Variants in FMO1 observed in about 807,000 individuals in gnomAD.
The protein encoded by FMO1 is flavin containing dimethylaniline monoxygenase 1, also known as flavin-containing monooxygenase 1.
A neutral mutation model predicts 45.4 loss-of-function variants in FMO1; 36 were observed. The ratio of observed to expected loss-of-function variants is 0.79; its 90% CI spans 0.61 to 1.05. The LOEUF (loss-of-function observed/expected upper bound fraction) is 1.05, where lower values mean the gene tolerates loss of function less well. FMO1 is among the 50% of genes least tolerant of loss of function. FMO1 has a pLI of 0.00. For missense variants in FMO1, 615 were observed against 640.3 expected, an observed-to-expected ratio of 0.96 and a Z score of 0.43; for synonymous variants, 228 against 227.2, an observed-to-expected ratio of 1.00 and a Z score of -0.03.
At chr1:171,255,108 T>C (rs1660093701) in intron 1 of FMO1, among the ~76,000 whole-genome samples, 1 of 152,216 alleles carries the variant, frequency 6.6e-6, no homozygotes, top group Non-Finnish European at 1.5e-5. Context: ...GTTGATAGAA[T>C]GTTATAGGGC....
At chr1:171,279,459 G>A (rs1269549396) in intron 5 of FMO1, among the ~76,000 whole-genome samples, 2 of 152,136 alleles carry the variant, frequency 1.3e-5, no homozygotes, top group South Asian at 4.2e-4. Context: ...GCTTAGAGAA[G>A]TTAAAGAACC....
At position 171,267,746 on chromosome 1, in the gene FMO1, A is replaced by G; in HGVS notation, c.321+15A>G. The stretch of plus-strand genomic sequence containing the variant: ...TTCAATTCAAGGTAAGACACAAAAC[A>G]TCAGTTAGTAGTCAGAAAGTATTTC... On this transcript the variant is annotated intron_variant, in intron 3 of 8. Transcript: ENST00000617670. 3.2e-6 allele frequency: 5 copies of G among 1,585,336 alleles called. No individual in the cohort carries two copies. The South Asian group carries it at 3.4e-5, about 11-fold the overall frequency.
chr1:171,268,976 G>C (rs962360584), intron 3 of FMO1, among the ~76,000 whole-genome samples: 1 of 152,142 alleles, frequency 6.6e-6, no homozygotes, highest in South Asian at 2.1e-4. Flanking sequence ...TTTATAAGGC[G>C]GAGCTTCCCT....
intron 2 of FMO1, among the ~76,000 whole-genome samples, chr1:171,266,489 A>G (rs1327260417): frequency 6.6e-6 from 1 of 152,252 alleles, no homozygotes; most frequent in Non-Finnish European, 1.5e-5. Context: ...GGCCACAGAC[A>G]AGCAGGTTGT....
At chr1:171,251,129 A>ATG (rs1174910815) in intron 1 of FMO1, among the ~76,000 whole-genome samples, 1 of 152,168 alleles carries the variant, frequency 6.6e-6, no homozygotes, top group Admixed American at 6.5e-5. Flanking sequence ...CTAACCTTTG[A>ATG]TGTACGGCAG....
Position 171,270,595 on chromosome 1 carries a change from GAAC to G in FMO1, c.321+2870_321+2872del, listed in dbSNP as rs372290909. The G allele has an allele frequency of 5.5e-4, 547 of 987,364 alleles. 1 individual carries two copies. In the African/African-American group the frequency reaches 8.9e-3, roughly 16 times the overall value. 61.2% of individuals were successfully genotyped at this position (987,364 alleles called of 1,614,324 possible). ...ATTACAGAGTGGTATTCAGTTAACAGAACAACAATTATTTCCTATAAGCTGCAT... is the reference window on the plus strand; with the variant it reads ...ATTACAGAGTGGTATTCAGTTAACAGAACAATTATTTCCTATAAGCTGCAT... On this transcript the variant is annotated intron_variant, in intron 3 of 8. Transcript: ENST00000617670.
rs1312912657 is a variant in FMO1 at position 171,258,199 on chromosome 1, G to T, written c.112G>T (p.Gly38Trp). ...PTCFERSDDLGGLWRFTEHVE... is the reference protein window; with the variant it reads ...PTCFERSDDLWGLWRFTEHVE... ...CTGCTTTGAGAGGAGCGATGACCTT[G>T]GGGGGCTGTGGAGATTCACCGTAAG... Residue 38 changes from glycine (G) to tryptophan (W), a missense_variant, in exon 2 of 9, where the codon GGG (glycine) becomes TGG (tryptophan). Transcript: ENST00000617670. 1.5e-5 allele frequency: 24 copies of T among 1,614,078 alleles called. No homozygotes were observed. In the East Asian group the frequency reaches 5.1e-4, roughly 34 times the overall value.
At chr1:171,256,840 T>C (rs1439836196) in intron 1 of FMO1, among the ~76,000 whole-genome samples, 2 of 152,118 alleles carry the variant, frequency 1.3e-5, no homozygotes, top group Non-Finnish European at 2.9e-5. Context: ...AAAAATTATG[T>C]CTTTGGGGGC....
chr1:171,267,850 C>T, intron 3 of FMO1, 119 bp downstream of exon 3: 2 of 679,598 alleles, frequency 2.9e-6, no homozygotes, highest in Non-Finnish European at 4.9e-6. Context: ...TTAATGACAC[C>T]TGGCTGTATT....
chr1:171,262,337 G>C (rs1159544578), intron 2 of FMO1, among the ~76,000 whole-genome samples: 3 of 152,120 alleles, frequency 2.0e-5, no homozygotes, highest in African/African-American at 4.8e-5. Context: ...CAGTCTTCAG[G>C]TAAAAGCACA....
At chr1:171,265,721 T>C (rs561111861) in intron 2 of FMO1, among the ~76,000 whole-genome samples, 2 of 152,324 alleles carry the variant, frequency 1.3e-5, no homozygotes, top group South Asian at 2.1e-4. Flanking sequence ...CATTTTTTTA[T>C]ATTACTATTT....
In FMO1 at chr1:171,280,973, T is replaced by G; in HGVS notation, c.815T>G (p.Ile272Arg). 1 of 1,613,660 alleles carries G rather than the reference T, an allele frequency of 6.2e-7. No homozygotes were observed. Among genetic ancestry groups the G allele is most frequent in the South Asian group, 1.1e-5 (1 of 91,060 alleles). The change falls in exon 6 of 9, where the codon ATA becomes AGA. Residue 272 changes from isoleucine to arginine, a missense_variant. By Grantham distance (97) the Ile-to-Arg change is moderately conservative. Transcript: ENST00000617670. ...NWLNHANYGLIPEDRTQLKEF... is the reference protein window; with the variant it reads ...NWLNHANYGLRPEDRTQLKEF... ...CTCAATCATGCAAATTACGGCTTAA[T>G]ACCAGAAGACAGGTAAATATAATGT...
In FMO1 at chr1:171,275,566, G is replaced by T. The variant is rs574068326; in HGVS notation, c.484+58G>T. 9.1e-4 allele frequency: 1,172 copies of T among 1,285,454 alleles called. 3 individuals are homozygous for T. Among genetic ancestry groups the T allele is most frequent in the Non-Finnish European group, 1.1e-3 (981 of 905,556 alleles). The allele number at this position is 1,285,454 out of a possible 1,614,324, so 79.6% of individuals were successfully genotyped here. A position where few individuals can be genotyped will look rare whatever the true frequency, so the allele number is the denominator to read the frequency against. On this transcript the variant is annotated intron_variant, in intron 4 of 8. Transcript: ENST00000617670. ...TCTCGTGGGAGCCATTCTGATGCTTGATTGGTCTGGGAATGAATTCCTATG... is the reference window on the plus strand; with the variant it reads ...TCTCGTGGGAGCCATTCTGATGCTTTATTGGTCTGGGAATGAATTCCTATG...
At chr1:171,283,248 ATTATAACTGAAATTGGT>A in intron 8 of FMO1, 32 bp downstream of exon 8, 1 of 440,860 alleles carries the variant, frequency 2.3e-6, no homozygotes. Flanking sequence ...CCCTTTTTAA[ATTATAACTGAAATTGGT>A]AAAAAAAAAA....
At position 171,283,144 on chromosome 1, in the gene FMO1, G is replaced by T. The variant is rs1420005116; in HGVS notation, c.1184G>T (p.Gly395Val). 8 of 1,517,946 alleles carry T rather than the reference G, an allele frequency of 5.3e-6. No individual in the cohort carries two copies. The allele number at this position is 1,517,946 out of a possible 1,614,324, so 94.0% of individuals were successfully genotyped here. A position where few individuals can be genotyped will look rare whatever the true frequency, so the allele number is the denominator to read the frequency against. The change falls in exon 8 of 9, where the codon GGT (glycine) becomes GTT (valine). Residue 395 changes from glycine (G) to valine (V), a missense_variant and splice_region_variant. Gly to Val is a moderately radical substitution (Grantham distance 109). Transcript: ENST00000617670. Reference sequence around the variant, plus strand: ...TGAGGTTTTTATTTTAATCCTACAGGTGTAAATAAGTTACCACCACCAAGT... The same window carrying T: ...TGAGGTTTTTATTTTAATCCTACAGTTGTAAATAAGTTACCACCACCAAGT... ...QARWAVRVLK[G>V]VNKLPPPSVM...
At chr1:171,250,109 T>C (rs767209989) in intron 1 of FMO1, among the ~76,000 whole-genome samples, 19 of 152,320 alleles carry the variant, frequency 1.2e-4, no homozygotes, top group Admixed American at 2.0e-4. Flanking sequence ...GAACAAGTAA[T>C]ATACAAACTA....
At chr1:171,267,813 T>C (rs1438605283) in intron 3 of FMO1, 82 bp downstream of exon 3, 5 of 1,041,028 alleles carry the variant, frequency 4.8e-6, no homozygotes, top group Non-Finnish European at 7.0e-6. Flanking sequence ...CCCTGGGCTC[T>C]GTAGATGAGA....
chr1:171,275,642 T>C, intron 4 of FMO1, 134 bp downstream of exon 4: 1 of 625,274 alleles, frequency 1.6e-6, no homozygotes, highest in South Asian at 2.8e-5. Context: ...GCTTTTTTTG[T>C]TTTGTTTTGT....
intron 3 of FMO1, among the ~76,000 whole-genome samples, chr1:171,272,082 C>G (rs867128376): frequency 7.2e-5 from 11 of 152,388 alleles, no homozygotes; most frequent in African/African-American, 1.9e-4. Context: ...CCAGAGCCCC[C>G]ATGCTGTGTG....
Sources: allele counts gnomAD v4.1 joint callset (sites outside exome capture counted in the v4.1 genomes callset), GRCh38; gene constraint gnomAD v4.1.1; transcripts MANE v1.5; gene names NCBI Gene and HGNC (gene_info 2026-07-23, HGNC 2026-07-21).